Variants in NTRK3 observed in about 807,000 individuals in gnomAD.
NTRK3 encodes the protein NT-3 growth factor receptor.
In NTRK3, 24 loss-of-function variants were observed where a neutral mutation model predicts 91.7. That is an observed-to-expected ratio of 0.26 (90% CI 0.19 to 0.37). NTRK3 has a LOEUF of 0.37. Ranked by LOEUF, NTRK3 falls within the 10% of genes least tolerant of loss-of-function variation. The pLI, the probability that NTRK3 is intolerant of heterozygous loss-of-function variation, is 1.00. For synonymous variants in NTRK3, 483 were observed against 404.0 expected, an observed-to-expected ratio of 1.20 and a Z score of -2.34; for missense variants, 880 against 1,068.9, an observed-to-expected ratio of 0.82 and a Z score of 2.46.
intron 3 of NTRK3, among the ~76,000 whole-genome samples, chr15:88,196,971 A>G (rs1241167740): frequency 6.6e-6 from 1 of 151,946 alleles, no homozygotes; most frequent in Non-Finnish European, 1.5e-5. Flanking sequence ...TTCAATGAGT[A>G]CTCCTGACTT....
chr15:88,230,037 G>A (rs368142262), intron 3 of NTRK3, among the ~76,000 whole-genome samples: 12 of 152,324 alleles, frequency 7.9e-5, no homozygotes, highest in East Asian at 7.7e-4. Flanking sequence ...GGGTGTGAGC[G>A]TGTGCTCTGG....
At chr15:88,018,625 A>G (rs1007475122) in intron 14 of NTRK3, among the ~76,000 whole-genome samples, 1 of 152,168 alleles carries the variant, frequency 6.6e-6, no homozygotes, top group Non-Finnish European at 1.5e-5. Context: ...GGGCTCTGTC[A>G]TATCACAGTT....
At chr15:88,173,503 C>T (rs1415113325) in intron 5 of NTRK3, among the ~76,000 whole-genome samples, 1 of 152,228 alleles carries the variant, frequency 6.6e-6, no homozygotes, top group African/African-American at 2.4e-5. Flanking sequence ...GATCATCAGG[C>T]TCCATTCTCT....
chr15:88,118,359 A>G (rs2052334322), intron 13 of NTRK3, among the ~76,000 whole-genome samples: 1 of 152,190 alleles, frequency 6.6e-6, no homozygotes, highest in South Asian at 2.1e-4. Context: ...AGAGAGAGAA[A>G]GAATGTTCCA....
At chr15:88,099,431 C>G (rs1394927054) in intron 13 of NTRK3, among the ~76,000 whole-genome samples, 1 of 152,154 alleles carries the variant, frequency 6.6e-6, no homozygotes, top group Non-Finnish European at 1.5e-5. Context: ...GAAATGACTG[C>G]AAAGACGTGT....
In NTRK3 at chr15:87,979,432, G is replaced by T. The variant is rs959237748; in HGVS notation, c.1586-38679C>A. On this transcript the variant is annotated intron_variant, in intron 14 of 18. Coordinates refer to ENST00000394480, the Ensembl canonical transcript of NTRK3. Reference sequence around the variant, plus strand: ...TAAGAGGCTTGGAATGTCCGGGAAGGCTTATTGGATTCAACATAATTTCTC... The same window carrying T: ...TAAGAGGCTTGGAATGTCCGGGAAGTCTTATTGGATTCAACATAATTTCTC... 8 of 1,612,862 alleles carry T rather than the reference G, an allele frequency of 5.0e-6. No homozygotes were observed. In the South Asian group the frequency reaches 5.5e-5, roughly 11 times the overall value.
intron 15 of NTRK3, among the ~76,000 whole-genome samples, chr15:87,937,811 G>A (rs1055008940): frequency 3.3e-5 from 5 of 152,066 alleles, no homozygotes; most frequent in South Asian, 2.1e-4. Flanking sequence ...ATTAAGAACC[G>A]ATTAGATATC....
chr15:87,932,003 T>A (rs1344514017), intron 16 of NTRK3, among the ~76,000 whole-genome samples: 1 of 152,226 alleles, frequency 6.6e-6, no homozygotes, highest in African/African-American at 2.4e-5. Context: ...CCTGGGGCCT[T>A]GGGTTCCAAA....
chr15:87,975,163 C>A (rs151247746), intron 14 of NTRK3, among the ~76,000 whole-genome samples: 1 of 152,162 alleles, frequency 6.6e-6, no homozygotes, highest in Non-Finnish European at 1.5e-5. Context: ...TAAACCCATT[C>A]TTGGGAGGTT....
intron 6 of NTRK3, among the ~76,000 whole-genome samples, chr15:88,141,880 T>A (rs1281194737): frequency 6.6e-6 from 1 of 152,232 alleles, no homozygotes; most frequent in Non-Finnish European, 1.5e-5. Context: ...GGGTCCTGCT[T>A]ACAGGACCTG....
chr15:87,893,120 A>G (rs746075184), intron 17 of NTRK3, among the ~76,000 whole-genome samples: 1 of 152,204 alleles, frequency 6.6e-6, no homozygotes, highest in African/African-American at 2.4e-5. Context: ...TCAAGACCAC[A>G]GGTACAGAGA....
intron 13 of NTRK3, among the ~76,000 whole-genome samples, chr15:88,094,979 A>T (rs1385775905): frequency 6.6e-6 from 1 of 152,218 alleles, no homozygotes; most frequent in Non-Finnish European, 1.5e-5. Context: ...AGTCTCACAG[A>T]TCTTGTTTAG....
chr15:87,981,028 C>T (rs1283482781), intron 14 of NTRK3, among the ~76,000 whole-genome samples: 1 of 152,070 alleles, frequency 6.6e-6, no homozygotes, highest in African/African-American at 2.4e-5. Context: ...TTACCTAGGC[C>T]CTATGAAGCT....
At chr15:88,141,075 A>C (rs950009268) in intron 6 of NTRK3, among the ~76,000 whole-genome samples, 3 of 152,068 alleles carry the variant, frequency 2.0e-5, no homozygotes, top group African/African-American at 7.2e-5. Flanking sequence ...GGAAGAGAGG[A>C]CACATTACGA....
At chr15:87,883,198 T>C (rs534133299) in intron 17 of NTRK3, among the ~76,000 whole-genome samples, 4 of 150,570 alleles carry the variant, frequency 2.7e-5, no homozygotes, top group African/African-American at 9.7e-5. Flanking sequence ...TTGTTTCATA[T>C]ATATGTGAAA....
chr15:87,951,248 G>A (rs537064773), intron 14 of NTRK3, among the ~76,000 whole-genome samples: 96 of 152,240 alleles, frequency 6.3e-4, no homozygotes, highest in Admixed American at 1.1e-3. Flanking sequence ...TCTCTCCTCA[G>A]AATGTCTATT....
At chr15:87,881,260 T>C (rs752127512) in intron 17 of NTRK3, among the ~76,000 whole-genome samples, 1 of 152,178 alleles carries the variant, frequency 6.6e-6, no homozygotes, top group Non-Finnish European at 1.5e-5. Context: ...AGGAACTAAC[T>C]GCATCATTAG....
intron 17 of NTRK3, chr15:87,916,427 G>T (rs2067449871): frequency 1.5e-6 from 1 of 683,244 alleles, no homozygotes; most frequent in African/African-American, 1.8e-5. Context: ...CAGATTCAAT[G>T]GTCTCCTTCA....
chr15:87,947,369 G>C (rs969974323), intron 14 of NTRK3, among the ~76,000 whole-genome samples: 1 of 151,950 alleles, frequency 6.6e-6, no homozygotes, highest in East Asian at 1.9e-4. Context: ...TTCAACCCCT[G>C]CAACCCCTAC....
Sources: gnomAD v4.1 joint callset for allele counts (sites outside exome capture counted in the v4.1 genomes callset) on GRCh38, gnomAD v4.1.1 for gene constraint, MANE v1.5 for transcripts, NCBI Gene and HGNC (gene_info 2026-07-23, HGNC 2026-07-21) for gene names.